RORA: variants seen among roughly 807,000 people sequenced by gnomAD.
RORA encodes the protein RAR related orphan receptor A.
Under a neutral mutation model 69.5 loss-of-function variants are expected in RORA, and 7 were observed. That is an observed-to-expected ratio of 0.10 (90% CI 0.06 to 0.19). RORA has a LOEUF of 0.19. Among genes scored for constraint, RORA ranks in the 10% least tolerant of loss-of-function variants. The pLI is 1.00. For missense variants in RORA, 457 were observed against 663.0 expected (o/e 0.69, Z 3.41); for synonymous variants, 261 against 240.8 (o/e 1.08, Z -0.78).
intron 2 of RORA, among the ~76,000 whole-genome samples, chr15:60,562,005 G>A (rs992171384): frequency 2.7e-5 from 4 of 150,826 alleles, no homozygotes; most frequent in Admixed American, 2.0e-4. Flanking sequence ...GTACAGTGGC[G>A]CGATCTCGGA....
intron 1 of RORA, among the ~76,000 whole-genome samples, chr15:60,980,979 T>G (rs1338032523): frequency 2.0e-5 from 3 of 152,092 alleles, no homozygotes; most frequent in Non-Finnish European, 2.9e-5. Context: ...AGATTTTTTT[T>G]ATGTAGGTCA....
intron 1 of RORA, among the ~76,000 whole-genome samples, chr15:60,740,959 A>G (rs771339306): frequency 5.9e-5 from 9 of 152,208 alleles, no homozygotes; most frequent in Non-Finnish European, 1.2e-4. Flanking sequence ...AGGCTGTGCA[A>G]TTGGTTCACC....
Position 61,202,566 on chromosome 15 carries a change from G to C in RORA, c.166+26487C>G, listed in dbSNP as rs566494856. Among the ~76,000 whole-genome samples, 9 of 152,206 alleles carry C rather than the reference G, an allele frequency of 5.9e-5. No individual in the cohort carries two copies. In the South Asian group the frequency reaches 1.9e-3, roughly 32 times the overall value. Reference sequence around the variant, plus strand: ...CATCTACACATACCCTAGGAGGGTAGGGCCTGTGGTGCTAACAACCTCATA... The same window carrying C: ...CATCTACACATACCCTAGGAGGGTACGGCCTGTGGTGCTAACAACCTCATA... On this transcript the variant is annotated intron_variant, in intron 1 of 10. Coordinates refer to ENST00000335670, the MANE Select transcript of RORA (RefSeq NM_134261.3).
Position 60,846,814 on chromosome 15 carries a change from T to A in RORA, c.167-168128A>T, listed in dbSNP as rs1484853228. 1.3e-5 allele frequency among the ~76,000 whole-genome samples: 2 copies of A among 152,258 alleles called. 1 individual carries two copies. Among genetic ancestry groups the A allele is most frequent in the Non-Finnish European group, 2.9e-5 (2 of 68,046 alleles). ...GATATTCTAATAAACATTGCTATTG[T>A]TTTTATTGTCTTGTGCAGTATCGAA... On this transcript the variant is annotated intron_variant, in intron 1 of 10. Transcript: ENST00000335670.
At chr15:60,577,324 G>A (rs1280740734) in intron 2 of RORA, among the ~76,000 whole-genome samples, 3 of 152,084 alleles carry the variant, frequency 2.0e-5, no homozygotes, top group Non-Finnish European at 4.4e-5. Context: ...AAACTTTTTG[G>A]TCTCTGTATA....
intron 2 of RORA, among the ~76,000 whole-genome samples, chr15:60,675,741 C>T (rs191990093): frequency 1.3e-5 from 2 of 152,268 alleles, no homozygotes; most frequent in Admixed American, 6.5e-5. Flanking sequence ...TTCCAGATAA[C>T]AAGGTGGACT....
intron 1 of RORA, among the ~76,000 whole-genome samples, chr15:61,110,946 G>T (rs1490452852): frequency 2.6e-5 from 4 of 152,196 alleles, no homozygotes; most frequent in African/African-American, 9.7e-5. Flanking sequence ...GGAGTTGTTT[G>T]TTTCCTTGTG....
rs576555154 is a variant in RORA at position 60,971,078 on chromosome 15, G to A, written c.166+257975C>T. ...TTGGATGAGAACTAAGTTAGGATGA[G>A]GGAGTCAAAATGAGTTTGAGAAGAT... is the stretch of plus-strand genomic sequence containing the variant. On this transcript the variant is annotated intron_variant, in intron 1 of 10. Transcript: ENST00000335670. Among the ~76,000 whole-genome samples the A allele has an allele frequency of 2.6e-5, 4 of 152,292 alleles. No individual in the cohort carries two copies. The South Asian group carries it at 8.3e-4, about 32-fold the overall frequency.
intron 1 of RORA, among the ~76,000 whole-genome samples, chr15:60,861,464 T>C (rs1446951345): frequency 3.9e-5 from 6 of 152,298 alleles, no homozygotes; most frequent in African/African-American, 9.6e-5. Context: ...TGAGGACTAC[T>C]GTACCATGCT....
chr15:61,217,841 GT>G (rs2065456440), intron 1 of RORA, among the ~76,000 whole-genome samples: 1 of 152,154 alleles, frequency 6.6e-6, no homozygotes, highest in Admixed American at 6.5e-5. Context: ...TAATGAGCAT[GT>G]GCTAAAAGTG....
chr15:60,558,293 C>G (rs777267610), intron 2 of RORA: 1 of 1,611,842 alleles, frequency 6.2e-7, no homozygotes, highest in Non-Finnish European at 8.5e-7. Flanking sequence ...TGGAGAATCC[C>G]AAAAAGTTCA....
At position 61,229,200 on chromosome 15, in the gene RORA, C is replaced by A. The variant is rs769104777; in HGVS notation, c.19G>T (p.Ala7Ser). The A allele has an allele frequency of 1.3e-6, 2 of 1,539,454 alleles. No individual in the cohort carries two copies. The highest frequency in any genetic ancestry group is 1.7e-6 in the Non-Finnish European group (2 of 1,146,636). The change falls in exon 1 of 11, where the codon GCC becomes TCC. Residue 7 changes from alanine to serine, a missense_variant. Ala to Ser is a moderately conservative substitution (Grantham distance 99, BLOSUM62 1). Coordinates refer to ENST00000335670, the MANE Select transcript of RORA (RefSeq NM_134261.3). MESAPAAPDPAASEPGS... is the reference protein window; with the variant it reads MESAPASPDPAASEPGS... Reference sequence around the variant, plus strand: ...GGCTCGCTGGCGGCGGGGTCGGGGGCTGCCGGAGCTGACTCCATGTTTTTT... The same window carrying A: ...GGCTCGCTGGCGGCGGGGTCGGGGGATGCCGGAGCTGACTCCATGTTTTTT...
intron 1 of RORA, among the ~76,000 whole-genome samples, chr15:61,087,268 A>T (rs2078639223): frequency 6.6e-6 from 1 of 152,262 alleles, no homozygotes; most frequent in African/African-American, 2.4e-5. Context: ...GGAAATAATG[A>T]CAACACTTAC....
intron 1 of RORA, among the ~76,000 whole-genome samples, chr15:60,974,531 T>G (rs1893821447): frequency 6.6e-6 from 1 of 152,224 alleles, no homozygotes; most frequent in Non-Finnish European, 1.5e-5. Context: ...TTCACTCTGC[T>G]TTTTCTTTGT....
At chr15:60,527,417 A>G (rs2066395816) in intron 3 of RORA, among the ~76,000 whole-genome samples, 1 of 152,254 alleles carries the variant, frequency 6.6e-6, no homozygotes, top group African/African-American at 2.4e-5. Flanking sequence ...CACTTTGAAG[A>G]TTGAACTTTA....
chr15:60,958,270 C>G (rs141925855), intron 1 of RORA, among the ~76,000 whole-genome samples: 1 of 152,146 alleles, frequency 6.6e-6, no homozygotes, highest in South Asian at 2.1e-4. Flanking sequence ...TGAGCCTTTG[C>G]GTGCATGGAG....
intron 2 of RORA, among the ~76,000 whole-genome samples, chr15:60,589,757 G>C (rs561283466): frequency 6.6e-6 from 1 of 152,240 alleles, no homozygotes; most frequent in South Asian, 2.1e-4. Flanking sequence ...CAAAGGGCCT[G>C]ATTTACTGAT....
chr15:60,913,378 C>T (rs1485371163), intron 1 of RORA, among the ~76,000 whole-genome samples: 1 of 152,232 alleles, frequency 6.6e-6, no homozygotes, highest in Non-Finnish European at 1.5e-5. Context: ...CCACCCCAGC[C>T]TCCTACAGCC....
intron 1 of RORA, among the ~76,000 whole-genome samples, chr15:61,177,295 G>T (rs1425239916): frequency 6.6e-6 from 1 of 152,162 alleles, no homozygotes; most frequent in African/African-American, 2.4e-5. Flanking sequence ...GTGGGGACTT[G>T]GGTTTCCAGA....
Sources: allele counts gnomAD v4.1 joint callset (sites outside exome capture counted in the v4.1 genomes callset), GRCh38; gene constraint gnomAD v4.1.1; transcripts MANE v1.5; gene names NCBI Gene and HGNC (gene_info 2026-07-23, HGNC 2026-07-21).